CCDC7: variants seen among roughly 807,000 people sequenced by gnomAD.
The protein encoded by CCDC7 is coiled-coil domain-containing protein 7.
CCDC7 carries 183 observed loss-of-function variants against 196.9 expected under a neutral mutation model. That is an observed-to-expected ratio of 0.93 (90% CI 0.82 to 1.05). CCDC7 has a LOEUF of 1.05. Among genes scored for constraint, CCDC7 ranks in the 50% least tolerant of loss-of-function variants. The probability of loss-of-function intolerance (pLI) is 0.00; values close to 1 mark genes in which losing one functional copy is unlikely to be tolerated. For synonymous variants in CCDC7, 525 were observed against 484.6 expected, an observed-to-expected ratio of 1.08 and a Z score of -1.10; for missense variants, 1,540 against 1,482.2, an observed-to-expected ratio of 1.04 and a Z score of -0.64.
chr10:32,644,952 C>G (rs1014498371), intron 20 of CCDC7, among the ~76,000 whole-genome samples: 9 of 152,320 alleles, frequency 5.9e-5, no homozygotes, highest in African/African-American at 2.2e-4. Context: ...AACCTCTTTT[C>G]TTTGCAAATT....
chr10:32,762,619 T>C (rs1363068219), intron 28 of CCDC7, among the ~76,000 whole-genome samples: 1 of 151,574 alleles, frequency 6.6e-6, no homozygotes, highest in Non-Finnish European at 1.5e-5. Flanking sequence ...AAAAATATTT[T>C]AAAAATATTT....
At chr10:32,452,302 A>G (rs1232345458) in intron 1 of CCDC7, among the ~76,000 whole-genome samples, 1 of 152,226 alleles carries the variant, frequency 6.6e-6, no homozygotes, top group Non-Finnish European at 1.5e-5. Context: ...AATGTTATAC[A>G]AACAGTTTAG....
intron 24 of CCDC7, among the ~76,000 whole-genome samples, chr10:32,703,558 GCC>G (rs2079137439): frequency 6.6e-6 from 1 of 151,892 alleles, no homozygotes; most frequent in African/African-American, 2.4e-5. Context: ...TTGAATGTTG[GCC>G]TGCCTTGCTA....
rs200284817 is a variant in CCDC7 at position 32,632,143 on chromosome 10, G to T, written c.1802-2111G>T. The stretch of plus-strand genomic sequence containing the variant: ...ATACATTTTATTTCTTTTTTTTGGG[G>T]GGGGGGGGGTCTAATTTCTCTGGCT... On this transcript the variant is annotated intron_variant, in intron 18 of 41. Coordinates refer to ENST00000639629, the Ensembl canonical transcript of CCDC7. Among the ~76,000 whole-genome samples, 194 of 29,164 alleles carry T rather than the reference G, an allele frequency of 6.7e-3. 1 individual carries two copies. In the Middle Eastern group the frequency reaches 0.068, roughly 10 times the overall value. 19.1% of individuals were successfully genotyped at this position (29,164 alleles called of 152,430 possible).
intron 41 of CCDC7, among the ~76,000 whole-genome samples, chr10:32,859,135 G>A (rs978501725): frequency 1.3e-5 from 2 of 150,850 alleles, no homozygotes; most frequent in African/African-American, 4.8e-5. Flanking sequence ...GCACCACAAT[G>A]CACTTATTCT....
intron 20 of CCDC7, among the ~76,000 whole-genome samples, chr10:32,652,369 C>T (rs1377122678): frequency 1.3e-5 from 2 of 151,888 alleles, no homozygotes; most frequent in Non-Finnish European, 2.9e-5. Flanking sequence ...CATTCAGCCA[C>T]TCTATGTCTT....
chr10:32,862,892 A>C (rs966570511), intron 41 of CCDC7, among the ~76,000 whole-genome samples: 1 of 152,132 alleles, frequency 6.6e-6, no homozygotes, highest in African/African-American at 2.4e-5. Context: ...GAAACTTTAA[A>C]AGAAATAATT....
chr10:32,717,430 G>T (rs2142036385), intron 25 of CCDC7, among the ~76,000 whole-genome samples: 2 of 152,272 alleles, frequency 1.3e-5, no homozygotes, highest in East Asian at 3.9e-4. Context: ...GAGAAAGTGG[G>T]AAAGACCTAA....
intron 20 of CCDC7, among the ~76,000 whole-genome samples, chr10:32,656,276 G>C (rs1043245761): frequency 3.3e-5 from 5 of 152,192 alleles, no homozygotes; most frequent in African/African-American, 1.2e-4. Flanking sequence ...ATGTCAAAGA[G>C]ATATCAGCAA....
intron 31 of CCDC7, among the ~76,000 whole-genome samples, chr10:32,819,350 G>A (rs574678048): frequency 1.3e-5 from 2 of 152,244 alleles, no homozygotes; most frequent in Non-Finnish European, 2.9e-5. Context: ...AAAAGTCCAG[G>A]ACCAGATGGA....
At chr10:32,590,486 A>G (rs1032856367) in intron 18 of CCDC7, among the ~76,000 whole-genome samples, 1 of 152,024 alleles carries the variant, frequency 6.6e-6, no homozygotes, top group Non-Finnish European at 1.5e-5. Context: ...TAATTGGTTC[A>G]TTATTTAGTC....
At chr10:32,677,388 C>G (rs2140945348) in intron 21 of CCDC7, among the ~76,000 whole-genome samples, 1 of 151,816 alleles carries the variant, frequency 6.6e-6, no homozygotes, top group East Asian at 1.9e-4. Context: ...AAAGAATTCC[C>G]TTTATCACTC....
chr10:32,754,233 A>G (rs994101859), intron 28 of CCDC7, among the ~76,000 whole-genome samples: 1 of 152,214 alleles, frequency 6.6e-6, no homozygotes, highest in Non-Finnish European at 1.5e-5. Context: ...ATGTTCAGCA[A>G]TGTGGCTAAC....
At chr10:32,511,837 C>T (rs2046269678) in intron 9 of CCDC7, 1 of 769,964 alleles carries the variant, frequency 1.3e-6, no homozygotes, top group Non-Finnish European at 2.2e-6. Flanking sequence ...CCACCAGCGG[C>T]GCTTTCCGAT....
intron 11 of CCDC7, among the ~76,000 whole-genome samples, chr10:32,534,709 A>G (rs2050196785): frequency 6.6e-6 from 1 of 152,002 alleles, no homozygotes; most frequent in African/African-American, 2.4e-5. Flanking sequence ...AAGGCTGGCC[A>G]GGGATTTGGG....
intron 9 of CCDC7, among the ~76,000 whole-genome samples, chr10:32,493,563 A>AT (rs888550096): frequency 1.3e-4 from 19 of 151,772 alleles, no homozygotes; most frequent in African/African-American, 4.4e-4. Context: ...CAGAAATGGA[A>AT]TTTTTTGGTC....
intron 21 of CCDC7, among the ~76,000 whole-genome samples, chr10:32,667,324 G>A (rs2073007102): frequency 6.6e-6 from 1 of 152,144 alleles, no homozygotes; most frequent in Non-Finnish European, 1.5e-5. Flanking sequence ...TAGGCTGCCT[G>A]TTCACTCTGA....
At chr10:32,529,518 C>G (rs1240983501) in intron 11 of CCDC7, among the ~76,000 whole-genome samples, 1 of 152,098 alleles carries the variant, frequency 6.6e-6, no homozygotes, top group Non-Finnish European at 1.5e-5. Context: ...TTTCCCTGAT[C>G]ATTAGTGATG....
chr10:32,708,175 A>G (rs561495996), intron 24 of CCDC7, among the ~76,000 whole-genome samples: 1 of 152,290 alleles, frequency 6.6e-6, no homozygotes, highest in Non-Finnish European at 1.5e-5. Context: ...CCACACATCT[A>G]CACCCATCTG....
Sources: gnomAD v4.1 joint callset for allele counts (sites outside exome capture counted in the v4.1 genomes callset) on GRCh38, gnomAD v4.1.1 for gene constraint, MANE v1.5 for transcripts, NCBI Gene and HGNC (gene_info 2026-07-23, HGNC 2026-07-21) for gene names.